Variants in NALF1 observed in about 807,000 individuals in gnomAD.
NALF1 encodes NALCN channel auxiliary factor 1.
In NALF1, 3 loss-of-function variants were observed where a neutral mutation model predicts 48.4. That is an observed-to-expected ratio of 0.06 (90% CI 0.03 to 0.16). NALF1 has a LOEUF of 0.16. Among genes scored for constraint, NALF1 ranks in the 10% least tolerant of loss-of-function variants. NALF1 has a pLI of 1.00. For synonymous variants in NALF1, 262 were observed against 245.7 expected (o/e 1.07, Z -0.62); for missense variants, 526 against 571.5 (o/e 0.92, Z 0.81).
chr13:107,408,007 G>T (rs568431605), intron 1 of NALF1, among the ~76,000 whole-genome samples: 1 of 152,116 alleles, frequency 6.6e-6, no homozygotes, highest in South Asian at 2.1e-4. Flanking sequence ...GACACTAAAA[G>T]ACAAACTTCA....
At chr13:107,204,401 C>CAA (rs1221246525) in intron 2 of NALF1, among the ~76,000 whole-genome samples, 1 of 151,972 alleles carries the variant, frequency 6.6e-6, no homozygotes, top group Non-Finnish European at 1.5e-5. Flanking sequence ...TACTCTTAGC[C>CAA]ACTTGTGGAG....
chr13:107,305,522 G>C (rs751338589), intron 1 of NALF1, among the ~76,000 whole-genome samples: 6 of 152,086 alleles, frequency 3.9e-5, no homozygotes, highest in Non-Finnish European at 7.4e-5. Flanking sequence ...TTATGCTTTA[G>C]ATGTTGTCAT....
chr13:107,230,378 A>G (rs1364829651), intron 1 of NALF1, among the ~76,000 whole-genome samples: 2 of 152,146 alleles, frequency 1.3e-5, no homozygotes, highest in Non-Finnish European at 2.9e-5. Flanking sequence ...GTAACTCTAT[A>G]TCTATGCATA....
intron 1 of NALF1, among the ~76,000 whole-genome samples, chr13:107,611,404 A>G (rs1879221064): frequency 6.6e-6 from 1 of 152,248 alleles, no homozygotes. Flanking sequence ...ATTCATATTC[A>G]CGATAGCCAA....
chr13:107,350,061 C>G (rs1882844951), intron 1 of NALF1, among the ~76,000 whole-genome samples: 1 of 152,048 alleles, frequency 6.6e-6, no homozygotes, highest in Admixed American at 6.6e-5. Flanking sequence ...TATGAAAATC[C>G]AATGTAGCCA....
chr13:107,230,653 G>C (rs546500671), intron 1 of NALF1, among the ~76,000 whole-genome samples: 66 of 152,184 alleles, frequency 4.3e-4, no homozygotes, highest in African/African-American at 1.4e-3. Context: ...GATGTGCCAA[G>C]AGAAAATAGA....
At chr13:107,308,493 T>C (rs892583597) in intron 1 of NALF1, among the ~76,000 whole-genome samples, 6 of 152,128 alleles carry the variant, frequency 3.9e-5, no homozygotes, top group African/African-American at 1.4e-4. Flanking sequence ...TGAGTATCTA[T>C]GCTTTTCGGC....
chr13:107,425,867 G>A (rs889040695), intron 1 of NALF1, among the ~76,000 whole-genome samples: 9 of 152,132 alleles, frequency 5.9e-5, no homozygotes, highest in African/African-American at 2.2e-4. Context: ...GGATATCTCT[G>A]TACTATGATA....
intron 1 of NALF1, among the ~76,000 whole-genome samples, chr13:107,514,203 G>A (rs1160145004): frequency 1.3e-5 from 2 of 152,292 alleles, no homozygotes; most frequent in South Asian, 2.1e-4. Context: ...TGAAATGTAC[G>A]TGTTAATAAC....
At chr13:107,186,514 C>A (rs764238658) in intron 2 of NALF1, among the ~76,000 whole-genome samples, 1 of 152,084 alleles carries the variant, frequency 6.6e-6, no homozygotes. Context: ...ACTACAGGTG[C>A]GTGCCACCAC....
intron 1 of NALF1, among the ~76,000 whole-genome samples, chr13:107,709,343 G>A (rs1048870977): frequency 6.6e-5 from 10 of 152,196 alleles, no homozygotes; most frequent in Non-Finnish European, 1.3e-4. Context: ...GTTCATGCGT[G>A]TCAGCACGGT....
intron 1 of NALF1, among the ~76,000 whole-genome samples, chr13:107,620,762 G>C (rs1332543895): frequency 1.3e-5 from 2 of 152,144 alleles, no homozygotes; most frequent in Non-Finnish European, 2.9e-5. Flanking sequence ...CTTGTCTTTG[G>C]TATTCCATTC....
chr13:107,609,508 T>G (rs1218775442), intron 1 of NALF1, among the ~76,000 whole-genome samples: 1 of 152,210 alleles, frequency 6.6e-6, no homozygotes, highest in Non-Finnish European at 1.5e-5. Context: ...CCAAGAGCCT[T>G]GTGAGCCTGG....
chr13:107,797,785 T>TAA (rs34996943), intron 1 of NALF1, among the ~76,000 whole-genome samples: 3 of 149,248 alleles, frequency 2.0e-5, no homozygotes, highest in South Asian at 2.1e-4. Context: ...AGAATAAAAG[T>TAA]AAAAAAAAAA....
rs1011340640 is a variant in NALF1 at position 107,362,700 on chromosome 13, C to T, written c.916-151945G>A. Among the ~76,000 whole-genome samples the T allele has an allele frequency of 9.9e-5, 15 of 152,104 alleles. No homozygotes were observed. Among genetic ancestry groups the T allele is most frequent in the African/African-American group, 3.6e-4 (15 of 41,406 alleles). On this transcript the variant is annotated intron_variant, in intron 1 of 2. Coordinates refer to ENST00000375915, the MANE Select transcript of NALF1 (RefSeq NM_001080396.3). The surrounding 1 kb of genome is among the most constrained non-coding windows in gnomAD (Gnocchi z 4.6). Reference sequence around the variant, plus strand: ...CATATTTTGCTGGGGGGACACAATTCTACCACCGACAAGTGTCTGGAGGGA... The same window carrying T: ...CATATTTTGCTGGGGGGACACAATTTTACCACCGACAAGTGTCTGGAGGGA...
intron 1 of NALF1, among the ~76,000 whole-genome samples, chr13:107,263,709 G>A (rs1880983278): frequency 1.3e-5 from 2 of 152,216 alleles, no homozygotes; most frequent in Admixed American, 1.3e-4. Context: ...CCAGCCATGT[G>A]GAACTGTGAG....
At chr13:107,655,653 A>G (rs1444796223) in intron 1 of NALF1, among the ~76,000 whole-genome samples, 2 of 152,122 alleles carry the variant, frequency 1.3e-5, no homozygotes, top group East Asian at 3.9e-4. Context: ...AGAACTAGAA[A>G]AAATAATCCT....
intron 1 of NALF1, among the ~76,000 whole-genome samples, chr13:107,670,963 A>G (rs912543217): frequency 2.0e-5 from 3 of 152,094 alleles, no homozygotes; most frequent in African/African-American, 4.8e-5. Flanking sequence ...CAATACACCT[A>G]GGATCATTTC....
chr13:107,265,365 A>C (rs1444970712), intron 1 of NALF1, among the ~76,000 whole-genome samples: 1 of 152,194 alleles, frequency 6.6e-6, no homozygotes, highest in Non-Finnish European at 1.5e-5. Flanking sequence ...TTAACTGCCA[A>C]ATGTAAAGAT....
Sources: gnomAD v4.1 joint callset for allele counts (sites outside exome capture counted in the v4.1 genomes callset) on GRCh38, gnomAD v4.1.1 for gene constraint, Gnocchi (gnomAD v3.1) non-coding constraint, MANE v1.5 for transcripts, NCBI Gene and HGNC (gene_info 2026-07-23, HGNC 2026-07-21) for gene names.